PPIL2: variants seen among roughly 807,000 people sequenced by gnomAD.
PPIL2 encodes the protein peptidylprolyl isomerase like 2.
A neutral mutation model predicts 75.2 loss-of-function variants in PPIL2; 50 were observed. The ratio of observed to expected loss-of-function variants is 0.66; its 90% CI spans 0.53 to 0.84. The LOEUF (loss-of-function observed/expected upper bound fraction) is 0.84, where lower values mean the gene tolerates loss of function less well. Among genes scored for constraint, PPIL2 ranks in the 40% least tolerant of loss-of-function variants. PPIL2 has a pLI of 0.00. For missense variants in PPIL2, 590 were observed against 685.0 expected, an observed-to-expected ratio of 0.86 and a Z score of 1.55; for synonymous variants, 245 against 258.8, an observed-to-expected ratio of 0.95 and a Z score of 0.51.
chr22:21,682,123 G>C (rs994967622), intron 7 of PPIL2, among the ~76,000 whole-genome samples: 1 of 152,240 alleles, frequency 6.6e-6, no homozygotes, highest in Non-Finnish European at 1.5e-5. Context: ...ACCTGTGCAT[G>C]GGAGGAGCTT....
intron 6 of PPIL2, 99 bp downstream of exon 6, chr22:21,675,214 C>A: frequency 8.7e-7 from 1 of 1,143,724 alleles, no homozygotes; most frequent in Non-Finnish European, 1.3e-6. Context: ...GCTTTCTGAC[C>A]AAGCTAGACA....
chr22:21,674,355 C>G (rs1372699416), intron 5 of PPIL2, among the ~76,000 whole-genome samples: 1 of 152,194 alleles, frequency 6.6e-6, no homozygotes. Context: ...TACCTGCCAC[C>G]TGGGGTAGGG....
At chr22:21,682,309 T>C in intron 7 of PPIL2, 128 bp from the exon 8 acceptor site, 1 of 764,876 alleles carries the variant, frequency 1.3e-6, no homozygotes, top group Non-Finnish European at 2.2e-6. Flanking sequence ...TGTACACTGC[T>C]GTCTCTCTCA....
rs959645664 is a variant in PPIL2, at chr22:21,696,954, A to C, written c.*1464A>C. The C allele has an allele frequency of 1.3e-6, 2 of 1,575,248 alleles. No individual in the cohort carries two copies. Among genetic ancestry groups the C allele is most frequent in the South Asian group, 1.2e-5 (1 of 85,364 alleles). ...GCTGCACACCAATCTGTGGCCCTTC[A>C]TCATGCTAAGAACAAGAACTGCGCC... On this transcript the variant is annotated 3_prime_UTR_variant, in exon 20 of 20. Transcript: ENST00000398831.
chr22:21,687,063 TC>T, intron 12 of PPIL2, 65 bp downstream of exon 12: 1 of 1,440,290 alleles, frequency 6.9e-7, no homozygotes, highest in Non-Finnish European at 9.7e-7. Flanking sequence ...GACAGCCATG[TC>T]TTAAATATAG....
intron 16 of PPIL2, among the ~76,000 whole-genome samples, chr22:21,694,244 G>A (rs2067812059): frequency 6.6e-6 from 1 of 152,210 alleles, no homozygotes; most frequent in Non-Finnish European, 1.5e-5. Flanking sequence ...CTGTGTGGAA[G>A]CAGCACGAAA....
At chr22:21,688,218 G>C (rs937097852) in intron 14 of PPIL2, 112 bp downstream of exon 14, 132 of 1,381,780 alleles carry the variant, frequency 9.6e-5, no homozygotes, top group Non-Finnish European at 1.3e-4. Context: ...GCTAGACCAG[G>C]GTGGAACGAC....
intron 15 of PPIL2, among the ~76,000 whole-genome samples, chr22:21,692,375 C>A (rs1013719336): frequency 2.0e-5 from 3 of 151,280 alleles, no homozygotes; most frequent in African/African-American, 4.8e-5. Flanking sequence ...AGGATGGTCT[C>A]GATCTCCTGA....
downstream of PPIL2, chr22:21,698,105 A>ATTGT (rs60421663): frequency 0.016 from 2,450 of 152,328 alleles, 24 homozygotes; most frequent in South Asian, 0.038. Flanking sequence ...CCTAGATGAT[A>ATTGT]TTGTTTAGGA....
rs150462625 is a variant in PPIL2, at chr22:21,693,236, C to T, written c.1140-580C>T. Among the ~76,000 whole-genome samples the T allele has an allele frequency of 5.4e-3, 829 of 152,114 alleles. 8 individuals carry two copies. Among genetic ancestry groups the T allele is most frequent in the African/African-American group, 0.019 (786 of 41,478 alleles). The stretch of plus-strand genomic sequence containing the variant: ...CTAATTTTTGTATTTTTAATAGGGA[C>T]AGGGTTTTACCATGTTGGCCAGGCT... On this transcript the variant is annotated intron_variant, in intron 15 of 19. Transcript: ENST00000398831.
chr22:21,669,926 G>A lies in PPIL2; in HGVS notation c.46G>A (p.Ala16Thr). The change falls in exon 2 of 20, where the codon GCT becomes ACT. Residue 16 changes from alanine to threonine, a missense_variant. Physicochemically the swap from Ala to Thr is moderately conservative, Grantham distance 58 (BLOSUM62 0). Transcript: ENST00000398831. ...TCTCTTCTTCAGGTACATTACCTGTGCTGAATACACTCACTTTTATGGTGG... is the reference window on the plus strand; with the variant it reads ...TCTCTTCTTCAGGTACATTACCTGTACTGAATACACTCACTTTTATGGTGG... ...HQKDKMYITCAEYTHFYGGKK... is the reference protein window; with the variant it reads ...HQKDKMYITCTEYTHFYGGKK... 6.2e-7 allele frequency: 1 copy of A among 1,613,990 alleles called. No homozygotes were observed. Among genetic ancestry groups the A allele is most frequent in the Non-Finnish European group, 8.5e-7 (1 of 1,179,840 alleles).
chr22:21,681,267 G>C, intron 6 of PPIL2, 32 bp from the exon 7 acceptor site: 1 of 1,556,296 alleles, frequency 6.4e-7, no homozygotes, highest in Non-Finnish European at 8.9e-7. Flanking sequence ...CCACAGAGGT[G>C]ACTGGCCTCC....
At chr22:21,678,389 C>T (rs2066966210) in intron 6 of PPIL2, among the ~76,000 whole-genome samples, 2 of 151,904 alleles carry the variant, frequency 1.3e-5, no homozygotes, top group Admixed American at 6.6e-5. Context: ...CACCACTGCA[C>T]CCAGCTAGTT....
intron 3 of PPIL2, 44 bp from the exon 4 acceptor site, chr22:21,670,953 C>T (rs764609156): frequency 2.0e-5 from 31 of 1,539,340 alleles, no homozygotes; most frequent in South Asian, 1.0e-4. Flanking sequence ...CACATCCTGA[C>T]CAGGGTGCGT....
At chr22:21,687,045 G>C (rs1292599423) in intron 12 of PPIL2, 47 bp downstream of exon 12, 2 of 1,532,906 alleles carry the variant, frequency 1.3e-6, no homozygotes, top group Admixed American at 3.3e-5. Context: ...GTCATCTCTG[G>C]GTCATCTGAC....
At chr22:21,698,637 A>G (rs1238175019), downstream of PPIL2, 2 of 152,372 alleles carry the variant, frequency 1.3e-5, no homozygotes, top group African/African-American at 4.8e-5. Flanking sequence ...GTTTTCAGTG[A>G]ACTCCTTCTT....
At chr22:21,683,745 G>A (rs1181026917) in intron 9 of PPIL2, among the ~76,000 whole-genome samples, 1 of 152,244 alleles carries the variant, frequency 6.6e-6, no homozygotes, top group Non-Finnish European at 1.5e-5. Flanking sequence ...GCTGGGCCGT[G>A]TCTGTGCTCT....
chr22:21,682,653 A>G (rs1569031483), intron 8 of PPIL2, 127 bp downstream of exon 8: 4 of 549,050 alleles, frequency 7.3e-6, no homozygotes, highest in African/African-American at 2.3e-5. Context: ...AGGCATCTGA[A>G]TAGCCACTCT....
At chr22:21,694,353 T>A (rs934228353) in intron 16 of PPIL2, among the ~76,000 whole-genome samples, 1 of 151,672 alleles carries the variant, frequency 6.6e-6, no homozygotes, top group Non-Finnish European at 1.5e-5. Context: ...CTATTTTTCC[T>A]GTGGGTGGGG....
Sources: allele counts gnomAD v4.1 joint callset (sites outside exome capture counted in the v4.1 genomes callset), GRCh38; gene constraint gnomAD v4.1.1; transcripts MANE v1.5; gene names NCBI Gene and HGNC (gene_info 2026-07-23, HGNC 2026-07-21).